TRMT9B: variants seen among roughly 807,000 people sequenced by gnomAD.
The protein encoded by TRMT9B is probable tRNA methyltransferase 9B.
Under a neutral mutation model 11.5 loss-of-function variants are expected in TRMT9B, and 16 were observed. The ratio of observed to expected loss-of-function variants is 1.39; its 90% CI spans 0.94 to 2.11. The LOEUF (loss-of-function observed/expected upper bound fraction) is 2.11. Among genes scored for constraint, TRMT9B ranks in the 30% most tolerant of loss-of-function variants. TRMT9B has a pLI of 0.00. For missense variants in TRMT9B, 941 were observed against 553.8 expected, an observed-to-expected ratio of 1.70 and a Z score of -7.02; for synonymous variants, 274 against 192.4, an observed-to-expected ratio of 1.42 and a Z score of -3.51.
At chr8:13,000,005 T>C (rs924126250) in intron 2 of TRMT9B, among the ~76,000 whole-genome samples, 5 of 152,226 alleles carry the variant, frequency 3.3e-5, no homozygotes, top group African/African-American at 9.6e-5. Context: ...TTTCACTTTT[T>C]CATGATCTAG....
intron 1 of TRMT9B, among the ~76,000 whole-genome samples, chr8:12,960,900 T>C (rs1408477094): frequency 6.6e-6 from 1 of 152,198 alleles, no homozygotes; most frequent in South Asian, 2.1e-4. Context: ...CCCAGCACTT[T>C]GGGAGGCCAA....
intron 1 of TRMT9B, among the ~76,000 whole-genome samples, chr8:12,964,038 G>A (rs191479785): frequency 6.6e-5 from 10 of 152,212 alleles, no homozygotes; most frequent in Non-Finnish European, 1.0e-4. Flanking sequence ...TGATCTTCTC[G>A]TACATGAACT....
At chr8:12,990,358 T>C (rs868211170) in intron 1 of TRMT9B, among the ~76,000 whole-genome samples, 2 of 152,174 alleles carry the variant, frequency 1.3e-5, no homozygotes, top group Non-Finnish European at 2.9e-5. Context: ...TTTTGATGGG[T>C]TTCATAACAA....
intron 2 of TRMT9B, among the ~76,000 whole-genome samples, chr8:13,001,151 A>G (rs937994668): frequency 2.6e-5 from 4 of 152,178 alleles, no homozygotes; most frequent in African/African-American, 4.8e-5. Context: ...CTTCATCCAT[A>G]TGTGCATGGC....
At chr8:12,975,997 C>T (rs1446361018) in intron 1 of TRMT9B, among the ~76,000 whole-genome samples, 1 of 152,170 alleles carries the variant, frequency 6.6e-6, no homozygotes. Flanking sequence ...TTACAAGCAA[C>T]AGAAACTGAC....
Position 13,026,639 on chromosome 8 carries a change from T to C in TRMT9B, c.*4595T>C, listed in dbSNP as rs1297412228. ...CCTCCAAGATAACTATACTTATTGT[T>C]CCCATTTTGCAGATGAGGAAAACTG... On this transcript the variant is annotated 3_prime_UTR_variant, in exon 5 of 5. Transcript: ENST00000524591. 1.2e-5 allele frequency: 2 copies of C among 167,148 alleles called. No individual in the cohort carries two copies. The highest frequency in any genetic ancestry group is 3.8e-4 in the East Asian group (2 of 5,204). 10.4% of individuals were successfully genotyped at this position (167,148 alleles called of 1,614,324 possible).
rs1814460856 is a variant in TRMT9B, at chr8:13,024,569, C to G, written c.*2525C>G. 6.0e-6 allele frequency: 1 copy of G among 167,046 alleles called. No homozygotes were observed. Among genetic ancestry groups the G allele is most frequent in the South Asian group, 2.1e-4 (1 of 4,836 alleles). The allele number at this position is 167,046 out of a possible 1,614,324, so 10.3% of individuals were successfully genotyped here. On this transcript the variant is annotated 3_prime_UTR_variant, in exon 5 of 5. Transcript: ENST00000524591. Reference sequence around the variant, plus strand: ...GAAGTCCTCTCTTTCTGCTGCTAGCCTACCAGTTAAAAGTCAAGACTTGGT... The same window carrying G: ...GAAGTCCTCTCTTTCTGCTGCTAGCGTACCAGTTAAAAGTCAAGACTTGGT...
chr8:13,004,535 C>A (rs540037305), intron 2 of TRMT9B, among the ~76,000 whole-genome samples: 44 of 151,984 alleles, frequency 2.9e-4, no homozygotes, highest in Non-Finnish European at 4.3e-4. Context: ...GGCCCTACCC[C>A]CCAGATGATA....
intron 1 of TRMT9B, among the ~76,000 whole-genome samples, chr8:12,947,130 C>G (rs1167211258): frequency 6.6e-6 from 1 of 152,188 alleles, no homozygotes; most frequent in African/African-American, 2.4e-5. Flanking sequence ...TCAGTCCATT[C>G]TGACTGGGTC....
intron 1 of TRMT9B, among the ~76,000 whole-genome samples, chr8:12,990,082 G>A (rs1213678861): frequency 6.6e-6 from 1 of 152,192 alleles, no homozygotes; most frequent in Non-Finnish European, 1.5e-5. Flanking sequence ...CTGCCATCGT[G>A]AGAATCACTG....
At chr8:12,987,277 A>G (rs918795841) in intron 1 of TRMT9B, among the ~76,000 whole-genome samples, 5 of 152,224 alleles carry the variant, frequency 3.3e-5, no homozygotes, top group African/African-American at 1.2e-4. Flanking sequence ...GGAAGAGTCA[A>G]TGTGTTAAAT....
At chr8:12,972,843 A>C (rs1373699638) in intron 1 of TRMT9B, among the ~76,000 whole-genome samples, 1 of 152,190 alleles carries the variant, frequency 6.6e-6, no homozygotes, top group East Asian at 1.9e-4. Flanking sequence ...ATAATATAAA[A>C]ACGACCATTT....
At chr8:12,981,184 G>A (rs1161336699) in intron 1 of TRMT9B, among the ~76,000 whole-genome samples, 1 of 152,030 alleles carries the variant, frequency 6.6e-6, no homozygotes, top group Non-Finnish European at 1.5e-5. Context: ...GTCACTCTGC[G>A]GATTCCTTTT....
intron 1 of TRMT9B, among the ~76,000 whole-genome samples, chr8:12,986,142 A>G (rs569653914): frequency 6.6e-6 from 1 of 152,276 alleles, no homozygotes; most frequent in East Asian, 1.9e-4. Context: ...GATTACAGGC[A>G]TGAGCCACTG....
chr8:12,996,299 A>AG (rs1808325190), intron 2 of TRMT9B, among the ~76,000 whole-genome samples: 1 of 152,200 alleles, frequency 6.6e-6, no homozygotes, highest in Non-Finnish European at 1.5e-5. Context: ...TCCTCTCATC[A>AG]TACTGATGAG....
intron 1 of TRMT9B, chr8:12,951,369 G>C (rs1294273066): frequency 6.6e-6 from 1 of 152,264 alleles, no homozygotes; most frequent in Admixed American, 6.5e-5. Flanking sequence ...GCCAAGCGTC[G>C]TCGTCACCCA....
chr8:13,008,807 C>A (rs759828796), intron 3 of TRMT9B, among the ~76,000 whole-genome samples: 34 of 152,312 alleles, frequency 2.2e-4, no homozygotes, highest in Admixed American at 7.8e-4. Flanking sequence ...CGGCTCACTG[C>A]AAGCTCCGCC....
intron 4 of TRMT9B, among the ~76,000 whole-genome samples, chr8:13,013,700 C>G (rs1023036881): frequency 6.6e-6 from 1 of 152,172 alleles, no homozygotes; most frequent in South Asian, 2.1e-4. Flanking sequence ...TGCCTGTAAT[C>G]CCAACCCTTT....
Position 13,021,582 on chromosome 8 carries a change from A to T in TRMT9B, c.903A>T (p.Ser301=), listed in dbSNP as rs370836865. 1.2e-6 allele frequency: 2 copies of T among 1,613,808 alleles called. No individual in the cohort carries two copies. The highest frequency in any genetic ancestry group is 1.7e-6 in the Non-Finnish European group (2 of 1,179,868). ...ACTTTGATCACCAAGAGCCATTTTC[A>T]ACAAAAGGGCAAAGTTTAGATGAGG... ...SLDFDHQEPF[S]TKGQSLDEEV... is the part of the protein sequence containing the mutation. The change falls in exon 5 of 5, where the codon TCA becomes TCT. Residue 301 remains serine, a synonymous_variant. Coordinates refer to ENST00000524591, the MANE Select transcript of TRMT9B (RefSeq NM_020844.3).
Sources: allele counts gnomAD v4.1 joint callset (sites outside exome capture counted in the v4.1 genomes callset), GRCh38; gene constraint gnomAD v4.1.1; transcripts MANE v1.5; gene names NCBI Gene and HGNC (gene_info 2026-07-23, HGNC 2026-07-21).